The following URI1 variants were observed in gnomAD, a reference collection of about 807,000 sequenced individuals.
URI1 encodes URI1 prefoldin like chaperone.
URI1 carries 39 observed loss-of-function variants against 60.2 expected under a neutral mutation model. That is an observed-to-expected ratio of 0.65 (90% CI 0.50 to 0.85). URI1 has a LOEUF of 0.85. Among genes scored for constraint, URI1 ranks in the 40% least tolerant of loss-of-function variants. The pLI, the probability that URI1 is intolerant of heterozygous loss-of-function variation, is 0.00. For missense variants in URI1, 691 were observed against 665.9 expected, an observed-to-expected ratio of 1.04 and a Z score of -0.42; for synonymous variants, 251 against 236.8, an observed-to-expected ratio of 1.06 and a Z score of -0.55.
intron 2 of URI1, among the ~76,000 whole-genome samples, chr19:29,984,241 C>T (rs1053776665): frequency 6.6e-5 from 10 of 152,048 alleles, no homozygotes; most frequent in African/African-American, 2.2e-4. Flanking sequence ...GCCTGGCCAA[C>T]GTGGCGAAGA....
chr19:29,968,439 A>G (rs1202570925), intron 1 of URI1, among the ~76,000 whole-genome samples: 1 of 152,104 alleles, frequency 6.6e-6, no homozygotes, highest in Non-Finnish European at 1.5e-5. Flanking sequence ...TAATACTTAA[A>G]GTAATTAATC....
intron 1 of URI1, among the ~76,000 whole-genome samples, chr19:29,953,559 T>TCTG (rs2055205749): frequency 6.6e-6 from 1 of 152,222 alleles, no homozygotes; most frequent in Non-Finnish European, 1.5e-5. Flanking sequence ...TCTGTTATCA[T>TCTG]TTATACTGTC....
At chr19:29,989,624 T>C (rs2055720030) in intron 4 of URI1, among the ~76,000 whole-genome samples, 1 of 152,144 alleles carries the variant, frequency 6.6e-6, no homozygotes, top group Non-Finnish European at 1.5e-5. Flanking sequence ...GGTTTCACCA[T>C]GTTGGTCAGG....
chr19:29,933,654 C>T (rs773848336), intron 1 of URI1, among the ~76,000 whole-genome samples: 1 of 151,770 alleles, frequency 6.6e-6, no homozygotes, highest in Non-Finnish European at 1.5e-5. Flanking sequence ...AACCCTATCT[C>T]TACTAAAATA....
intron 4 of URI1, among the ~76,000 whole-genome samples, chr19:29,989,807 T>C (rs933312299): frequency 1.3e-5 from 2 of 151,692 alleles, no homozygotes; most frequent in East Asian, 1.9e-4. Context: ...TTATGTTAAA[T>C]AGGTGATGTG....
intron 1 of URI1, among the ~76,000 whole-genome samples, chr19:29,929,993 G>T (rs1219611593): frequency 1.4e-5 from 2 of 147,644 alleles, no homozygotes; most frequent in African/African-American, 5.1e-5. Context: ...AGGGTGGAGT[G>T]CAGTGGTGTG....
At chr19:30,002,082 G>A (rs540063210) in intron 4 of URI1, among the ~76,000 whole-genome samples, 1 of 152,046 alleles carries the variant, frequency 6.6e-6, no homozygotes, top group East Asian at 1.9e-4. Flanking sequence ...GGTCACAAAG[G>A]ATTCAGTAGA....
intron 1 of URI1, among the ~76,000 whole-genome samples, chr19:29,954,581 C>G (rs1226110754): frequency 7.1e-6 from 1 of 140,592 alleles, no homozygotes; most frequent in Non-Finnish European, 1.5e-5. Flanking sequence ...GTGGCGCAAT[C>G]TCGGCTCACT....
chr19:29,942,112 GA>G (rs1410438801), upstream of URI1: 1 of 618,940 alleles, frequency 1.6e-6, no homozygotes, highest in African/African-American at 2.0e-5. Flanking sequence ...GCCCAGCGCG[GA>G]CACCGCCAGC....
chr19:30,011,036 G>A lies in URI1; in HGVS notation c.1036-58G>A, dbSNP rs563865422. 4 of 1,547,626 alleles carry A rather than the reference G, an allele frequency of 2.6e-6. No individual in the cohort carries two copies. The South Asian group carries it at 4.8e-5, about 19-fold the overall frequency. ...TTTAGTTATAGAGTTTATTTGTTTTGGTTTCACTTTGATTTAATTTGTCAA... is the reference window on the plus strand; with the variant it reads ...TTTAGTTATAGAGTTTATTTGTTTTAGTTTCACTTTGATTTAATTTGTCAA... On this transcript the variant is annotated intron_variant, in intron 8 of 10. Transcript: ENST00000392271.
rs1399597222 is a variant in URI1 at position 30,005,635 on chromosome 19, T to G, written c.460-16T>G. On this transcript the variant is annotated splice_polypyrimidine_tract_variant and intron_variant, in intron 5 of 10. Coordinates refer to ENST00000392271, the MANE Select transcript of URI1 (RefSeq NM_003796.3). ...ATTTGTGTTGTTAATACGCTTTTTT[T>G]TTGTTTAAAAACCAGGCTGCAGGTG... 1 of 1,605,056 alleles carries G rather than the reference T, an allele frequency of 6.2e-7. No homozygotes were observed. The highest frequency in any genetic ancestry group is 8.5e-7 in the Non-Finnish European group (1 of 1,177,352).
At chr19:29,940,646 G>T (rs146566833), upstream of URI1, among the ~76,000 whole-genome samples, 504 of 151,756 alleles carry the variant, frequency 3.3e-3, 5 homozygotes, top group African/African-American at 0.012. Context: ...AAAAAAAAAA[G>T]AACCTTCCCA....
chr19:29,944,459 C>T (rs899820796), intron 1 of URI1, among the ~76,000 whole-genome samples: 1 of 151,706 alleles, frequency 6.6e-6, no homozygotes, highest in Non-Finnish European at 1.5e-5. Flanking sequence ...TGTTTTCTGC[C>T]ATTTGGCATA....
At chr19:30,004,127 G>A (rs1292878636) in intron 4 of URI1, among the ~76,000 whole-genome samples, 2 of 152,168 alleles carry the variant, frequency 1.3e-5, no homozygotes, top group South Asian at 2.1e-4. Flanking sequence ...ATTTGCTGCC[G>A]TGAGAAAAGG....
At chr19:29,942,106 A>G (rs2055031644), upstream of URI1, 1 of 541,740 alleles carries the variant, frequency 1.8e-6, no homozygotes, top group Non-Finnish European at 2.4e-6. Flanking sequence ...AACGCAGCCC[A>G]GCGCGGACAC....
chr19:29,980,589 G>A (rs1217549863), intron 2 of URI1, among the ~76,000 whole-genome samples: 3 of 119,492 alleles, frequency 2.5e-5, no homozygotes, highest in Non-Finnish European at 3.3e-5. Flanking sequence ...GAGGAAAAGA[G>A]AGTGATAGAA....
Position 29,949,755 on chromosome 19 carries a change from C to T in URI1, c.117+7091C>T, listed in dbSNP as rs565459326. Among the ~76,000 whole-genome samples the T allele has an allele frequency of 4.4e-4, 67 of 152,300 alleles. 2 individuals carry two copies. In the South Asian group the frequency reaches 9.9e-3, roughly 23 times the overall value. On this transcript the variant is annotated intron_variant, in intron 1 of 10. Coordinates refer to ENST00000392271, the MANE Select transcript of URI1 (RefSeq NM_003796.3). ...AAACCCTGTCTCCACCAAAAAAATA[C>T]GAAAACCACTCAGGCGTGGCGGCGC...
At chr19:29,951,646 G>A (rs2055181598) in intron 1 of URI1, among the ~76,000 whole-genome samples, 1 of 151,392 alleles carries the variant, frequency 6.6e-6, no homozygotes, top group Admixed American at 6.6e-5. Flanking sequence ...TCCTGGGTTC[G>A]AGTGACTCTC....
chr19:29,998,741 C>CT (rs1256834603), intron 4 of URI1, among the ~76,000 whole-genome samples: 2 of 151,874 alleles, frequency 1.3e-5, no homozygotes, highest in Non-Finnish European at 2.9e-5. Flanking sequence ...TAGTTGGATC[C>CT]TTTTTTTAAA....
Sources: allele counts gnomAD v4.1 joint callset (sites outside exome capture counted in the v4.1 genomes callset), GRCh38; gene constraint gnomAD v4.1.1; transcripts MANE v1.5; gene names NCBI Gene and HGNC (gene_info 2026-07-23, HGNC 2026-07-21).